Variants in SORL1 observed in about 807,000 individuals in gnomAD.
SORL1 encodes the protein sortilin related receptor 1.
SORL1 carries 127 observed loss-of-function variants against 273.7 expected under a neutral mutation model. The observed-to-expected ratio is 0.46, with a 90% confidence interval of 0.40 to 0.54. The LOEUF is 0.54. Among genes scored for constraint, SORL1 ranks in the 20% least tolerant of loss-of-function variants. The pLI, the probability that SORL1 is intolerant of heterozygous loss-of-function variation, is 0.00. For missense variants in SORL1, 2,494 were observed against 2,846.1 expected (o/e 0.88, Z 2.81); for synonymous variants, 1,031 against 1,067.4 (o/e 0.97, Z 0.66).
At chr11:121,525,051 A>G (rs2134862087) in intron 11 of SORL1, among the ~76,000 whole-genome samples, 1 of 152,390 alleles carries the variant, frequency 6.6e-6, no homozygotes, top group African/African-American at 2.4e-5. Flanking sequence ...TATGGTCGCC[A>G]CAATTAAGAT....
rs1390322761 is a variant in SORL1, at chr11:121,604,322, G to T, written c.4649G>T (p.Ser1550Ile). The change falls in exon 33 of 48, where the codon AGT (serine) becomes ATT (isoleucine). Residue 1550 changes from serine (S) to isoleucine (I), a missense_variant and splice_region_variant. By Grantham distance (142) the Ser-to-Ile change is moderately radical. Around this residue, in one of 3 missense-constraint regions of SORL1, gnomAD observed 1,609 missense variants for 1,816.4 expected, o/e 0.89. Transcript: ENST00000260197. The part of the protein sequence containing the change: ...CSDESDEKAC[S>I]DELTVYKVQN... The stretch of plus-strand genomic sequence containing the variant: ...GACGAGAGCGATGAAAAGGCCTGCA[G>T]TGGTGAGTGCCGGTCCACGGGCTGG... 4 of 1,613,436 alleles carry T rather than the reference G, an allele frequency of 2.5e-6. No individual in the cohort carries two copies. Among genetic ancestry groups the T allele is most frequent in the Admixed American group, 1.7e-5 (1 of 60,002 alleles).
Position 121,621,177 on chromosome 11 carries a change from A to C in SORL1, c.6003A>C (p.Lys2001Asn). The change falls in exon 44 of 48, where the codon AAA (lysine) becomes AAC (asparagine). Residue 2001 changes from lysine (K) to asparagine (N), a missense_variant. By Grantham distance (94) the Lys-to-Asn change is moderately conservative. This residue lies in a region of SORL1 where 1,609 missense variants were observed against 1,816.4 expected (regional missense o/e 0.89). Coordinates refer to ENST00000260197, the MANE Select transcript of SORL1 (RefSeq NM_003105.6). ...YTLNKLEPGGKYHIIVQLGNM... is the reference protein window; with the variant it reads ...YTLNKLEPGGNYHIIVQLGNM... ...TTAACAAGTTGGAGCCTGGCGGGAA[A>C]TACCACATCATTGTCCAACTGGGGA... 6.2e-7 allele frequency: 1 copy of C among 1,614,234 alleles called. No homozygotes were observed. Among genetic ancestry groups the C allele is most frequent in the Non-Finnish European group, 8.5e-7 (1 of 1,180,022 alleles).
At position 121,555,345 on chromosome 11, in the gene SORL1, A is replaced by G. The variant is rs1436171600; in HGVS notation, c.2571+27A>G. The G allele has an allele frequency of 2.5e-6, 4 of 1,611,374 alleles. No homozygotes were observed. In the East Asian group the frequency reaches 6.7e-5, roughly 27 times the overall value. ...TATGTGTATTTTCGTGCTGTTCTTA[A>G]TTAAGGGAGCAGGCGGGGCACCTGG... On this transcript the variant is annotated intron_variant, in intron 18 of 47. Transcript: ENST00000260197.
chr11:121,578,400 TC>T (rs1862968161), intron 25 of SORL1, among the ~76,000 whole-genome samples: 1 of 152,194 alleles, frequency 6.6e-6, no homozygotes, highest in Non-Finnish European at 1.5e-5. Context: ...CCCCAGAGTA[TC>T]CCAGCACTTC....
intron 5 of SORL1, among the ~76,000 whole-genome samples, chr11:121,496,024 G>T (rs1470206550): frequency 1.3e-5 from 2 of 152,208 alleles, no homozygotes; most frequent in Non-Finnish European, 2.9e-5. Context: ...AACTAAAGGG[G>T]TTTTATACCT....
rs905648351 is a variant in SORL1 at position 121,612,749 on chromosome 11, T to G, written c.5336T>G (p.Val1779Gly). 14 of 1,613,956 alleles carry G rather than the reference T, an allele frequency of 8.7e-6. No homozygotes were observed. Among genetic ancestry groups the G allele is most frequent in the Admixed American group, 3.3e-5 (2 of 60,010 alleles). The change falls in exon 40 of 48, where the codon GTG (valine) becomes GGG (glycine). Residue 1779 changes from valine to glycine, a missense_variant. Physicochemically the swap from Val to Gly is moderately radical, Grantham distance 109. This residue lies in a region of SORL1 where 1,609 missense variants were observed against 1,816.4 expected (regional missense o/e 0.89). Coordinates refer to ENST00000260197, the MANE Select transcript of SORL1 (RefSeq NM_003105.6). ...MESDIKVNGY[V>G]VNLFWAFDTH... ...GGTTCTCGGCAGGTGAATGGCTATG[T>G]GGTGAACCTTTTCTGGGCATTTGAC... is the stretch of plus-strand genomic sequence containing the variant.
rs188962244 is a variant in SORL1, at chr11:121,508,956, G to A, written c.940-4047G>A. Among the ~76,000 whole-genome samples the A allele has an allele frequency of 1.6e-4, 24 of 152,126 alleles. No homozygotes were observed. The East Asian group carries it at 4.2e-3, about 27-fold the overall frequency. On this transcript the variant is annotated intron_variant, in intron 6 of 47. Transcript: ENST00000260197. ...ATTATAGGCATTTTCCAACCTACAC[G>A]AAAGAACAGTTAATGCTGATATGAC...
At chr11:121,589,973 T>G (rs1476872630) in intron 29 of SORL1, 67 bp from the exon 30 acceptor site, 1 of 1,564,756 alleles carries the variant, frequency 6.4e-7, no homozygotes, top group African/African-American at 1.4e-5. Context: ...GGAGGATGCC[T>G]AGAGTTGGAG....
intron 6 of SORL1, among the ~76,000 whole-genome samples, chr11:121,504,766 T>C (rs1261816199): frequency 6.6e-6 from 1 of 152,184 alleles, no homozygotes; most frequent in African/African-American, 2.4e-5. Context: ...ATCCTTGTCT[T>C]ATTCCTGATC....
At chr11:121,612,872 G>T (rs368692874) in intron 40 of SORL1, 40 bp downstream of exon 40, 7 of 1,454,206 alleles carry the variant, frequency 4.8e-6, no homozygotes, top group Non-Finnish European at 4.8e-6. Context: ...GCAGGAAGGG[G>T]TAAGGCTGGA....
intron 1 of SORL1, among the ~76,000 whole-genome samples, chr11:121,461,052 C>T (rs777901389): frequency 3.9e-5 from 6 of 152,022 alleles, no homozygotes; most frequent in Admixed American, 2.0e-4. Flanking sequence ...CCTGTGAAAC[C>T]AGAAGTGTTT....
rs190474056 is a variant in SORL1 at position 121,452,863 on chromosome 11, G to T, written c.285+247G>T. 1 of 446,332 alleles carries T rather than the reference G, an allele frequency of 2.2e-6. No homozygotes were observed. Among genetic ancestry groups the T allele is most frequent in the Non-Finnish European group, 3.9e-6 (1 of 253,638 alleles). The allele number at this position is 446,332 out of a possible 1,614,324, so 27.6% of individuals were successfully genotyped here. A position where few individuals can be genotyped will look rare whatever the true frequency, so the allele number is the denominator to read the frequency against. On this transcript the variant is annotated intron_variant, in intron 1 of 47. Coordinates refer to ENST00000260197, the MANE Select transcript of SORL1 (RefSeq NM_003105.6). The surrounding 1 kb of genome is among the most constrained non-coding windows in gnomAD (Gnocchi z 5.3). ...CGGGTGCAGTGCGTATTACCCCAGG[G>T]TGTGTGCAGAGAGATGTAGTTTCCG...
At chr11:121,624,550 G>C (rs1434993768) in intron 45 of SORL1, among the ~76,000 whole-genome samples, 1 of 152,232 alleles carries the variant, frequency 6.6e-6, no homozygotes, top group Non-Finnish European at 1.5e-5. Context: ...GGGGGGCTGA[G>C]ATCGGCTCAG....
Position 121,591,136 on chromosome 11 carries a change from A to G in SORL1, c.4349A>G (p.Glu1450Gly). 6.2e-7 allele frequency: 1 copy of G among 1,613,896 alleles called. No individual in the cohort carries two copies. Among genetic ancestry groups the G allele is most frequent in the Non-Finnish European group, 8.5e-7 (1 of 1,179,962 alleles). Residue 1450 changes from glutamate (E) to glycine (G), a missense_variant, in exon 31 of 48, where the codon GAG (glutamate) becomes GGG (glycine). Glu to Gly is a moderately conservative substitution (Grantham distance 98). This residue lies in a region of SORL1 where 1,609 missense variants were observed against 1,816.4 expected (regional missense o/e 0.89). Transcript: ENST00000260197. Reference protein sequence around the residue: ...GYRDCADGSDEEACPLLANVT... With the variant: ...GYRDCADGSDGEACPLLANVT... ...CGAGATTGTGCAGATGGCTCTGACG[A>G]GGAAGCCTGCCCCTTGCTTGGTGAG... is the stretch of plus-strand genomic sequence containing the variant.
chr11:121,455,034 C>T (rs564098876), intron 1 of SORL1, among the ~76,000 whole-genome samples: 4 of 152,290 alleles, frequency 2.6e-5, no homozygotes, highest in South Asian at 4.1e-4. Flanking sequence ...TCCCCTTCAA[C>T]GTTTAAACCT....
chr11:121,614,829 C>A (rs752984330), intron 40 of SORL1, 42 bp from the exon 41 acceptor site: 21 of 1,556,304 alleles, frequency 1.3e-5, no homozygotes, highest in Non-Finnish European at 1.9e-5. Context: ...TTGACTAACA[C>A]CCCCAACTTC....
chr11:121,499,567 T>C (rs138699085), intron 6 of SORL1, among the ~76,000 whole-genome samples: 1 of 152,362 alleles, frequency 6.6e-6, no homozygotes, highest in African/African-American at 2.4e-5. Flanking sequence ...AGGGAATATT[T>C]CTCAAGGGAT....
At chr11:121,481,666 C>T (rs1368868220) in intron 3 of SORL1, among the ~76,000 whole-genome samples, 5 of 108,652 alleles carry the variant, frequency 4.6e-5, no homozygotes, top group Non-Finnish European at 5.6e-5. Flanking sequence ...TAGGCAGGTT[C>T]CATCTCCTCC....
At chr11:121,521,064 G>GAA (rs34516204) in intron 9 of SORL1, among the ~76,000 whole-genome samples, 16 of 141,742 alleles carry the variant, frequency 1.1e-4, no homozygotes, top group Non-Finnish European at 1.8e-4. Context: ...AAGCAACTCA[G>GAA]AAAAAAAAAA....
Sources: allele counts gnomAD v4.1 joint callset (sites outside exome capture counted in the v4.1 genomes callset), GRCh38; gene constraint gnomAD v4.1.1; regional missense constraint gnomAD v4.1.1; non-coding constraint Gnocchi (gnomAD v3.1); transcripts MANE v1.5; gene names NCBI Gene and HGNC (gene_info 2026-07-23, HGNC 2026-07-21).